RAB9A: variants seen among roughly 807,000 people sequenced by gnomAD.
The protein encoded by RAB9A is ras-related protein Rab-9A.
A neutral mutation model predicts 10.3 loss-of-function variants in RAB9A; 1 was observed. The ratio of observed to expected loss-of-function variants is 0.10; its 90% CI spans 0.03 to 0.46. The LOEUF (loss-of-function observed/expected upper bound fraction) is 0.46. Ranked by LOEUF, RAB9A falls within the 20% of genes least tolerant of loss-of-function variation. The pLI is 0.96. For missense variants in RAB9A, 92 were observed against 150.3 expected (o/e 0.61, Z 2.03); for synonymous variants, 39 against 55.2 (o/e 0.71, Z 1.30).
intron 1 of RAB9A, among the ~76,000 whole-genome samples, chrX:13,695,837 G>A (rs2046145318): frequency 9.0e-6 from 1 of 111,515 alleles, no homozygotes; most frequent in East Asian, 2.8e-4. Flanking sequence ...TCGTGAAATA[G>A]CTTCATGAAG....
At chrX:13,704,232 T>G (rs2046187421) in intron 2 of RAB9A, among the ~76,000 whole-genome samples, 1 of 112,171 alleles carries the variant, frequency 8.9e-6, no homozygotes, top group Admixed American at 9.5e-5. Flanking sequence ...TTTTGAAGAA[T>G]GAATGAAATA....
chrX:13,690,525 C>G (rs2046116041), intron 1 of RAB9A, among the ~76,000 whole-genome samples: 1 of 111,693 alleles, frequency 9.0e-6, no homozygotes, highest in African/African-American at 3.3e-5. Context: ...ACATCATTGG[C>G]TTTGACTCCA....
intron 1 of RAB9A, among the ~76,000 whole-genome samples, chrX:13,689,635 T>C (rs995114587): frequency 2.7e-4 from 30 of 111,200 alleles, no homozygotes; most frequent in East Asian, 1.7e-3. Context: ...CCCCAACCAC[T>C]CCGGGACACA....
At chrX:13,689,777 C>G (rs1317539832) in intron 1 of RAB9A, among the ~76,000 whole-genome samples, 1 of 111,929 alleles carries the variant, frequency 8.9e-6, no homozygotes, top group Non-Finnish European at 1.9e-5. Context: ...TGTCTTACGA[C>G]CACTCGGGTG....
At chrX:13,705,898 G>A (rs192913470) in intron 2 of RAB9A, among the ~76,000 whole-genome samples, 1 of 111,082 alleles carries the variant, frequency 9.0e-6, no homozygotes, top group East Asian at 2.8e-4. Context: ...GGGGTGTGCT[G>A]AGTGAGTGGA....
intron 1 of RAB9A, among the ~76,000 whole-genome samples, chrX:13,698,344 T>C (rs186982758): frequency 2.4e-4 from 26 of 110,129 alleles, no homozygotes; most frequent in African/African-American, 7.3e-4. Context: ...TGATTCAGCT[T>C]CAAAAAAAGT....
chrX:13,692,516 C>T lies in RAB9A; in HGVS notation c.-116+3228C>T, dbSNP rs775188654. On this transcript the variant is annotated intron_variant, in intron 1 of 2. Transcript: ENST00000464506. ...GAGCATAAAATTCATCCTTAAATTT[C>T]ACCTCACCAGACAAATAGTTATGCC... Among the ~76,000 whole-genome samples the T allele has an allele frequency of 8.0e-5, 9 of 111,822 alleles. No homozygotes were observed. The South Asian group carries it at 1.9e-3, about 23-fold the overall frequency.
chrX:13,701,186 C>G (rs985436503), intron 1 of RAB9A, among the ~76,000 whole-genome samples: 1 of 108,990 alleles, frequency 9.2e-6, no homozygotes, highest in Admixed American at 9.8e-5. Flanking sequence ...CCAAAAAAAC[C>G]CCATACCCAT....
At chrX:13,708,362 C>T (rs189663289) in intron 2 of RAB9A, among the ~76,000 whole-genome samples, 1 of 108,490 alleles carries the variant, frequency 9.2e-6, no homozygotes, top group East Asian at 2.9e-4. Context: ...CAACAACATG[C>T]GAACTTTGGT....
At position 13,709,138 on chromosome X, in the gene RAB9A, G is replaced by A. The variant is rs1480206362; in HGVS notation, c.392G>A (p.Arg131Gln). The change falls in exon 3 of 3, where the codon CGG (arginine) becomes CAG (glutamine). Residue 131 changes from arginine (R) to glutamine (Q), a missense_variant. Coordinates refer to ENST00000464506, the MANE Select transcript of RAB9A (RefSeq NM_004251.5). ...ILGNKIDISE[R>Q]QVSTEEAQAW... Reference sequence around the variant, plus strand: ...GGTAACAAGATTGACATAAGCGAACGGCAGGTGTCTACAGAAGAAGCCCAA... The same window carrying A: ...GGTAACAAGATTGACATAAGCGAACAGCAGGTGTCTACAGAAGAAGCCCAA... The A allele has an allele frequency of 5.8e-6, 7 of 1,209,895 alleles. No homozygotes were observed. Among genetic ancestry groups the A allele is most frequent in the African/African-American group, 5.2e-5 (3 of 57,170 alleles).
At chrX:13,690,391 T>C in intron 1 of RAB9A, among the ~76,000 whole-genome samples, 1 of 112,327 alleles carries the variant, frequency 8.9e-6, no homozygotes, top group South Asian at 3.6e-4. Flanking sequence ...AGTATTTTTG[T>C]GTCTGCTGTG....
intron 1 of RAB9A, among the ~76,000 whole-genome samples, chrX:13,693,168 C>T (rs1306645525): frequency 1.8e-5 from 1 of 54,194 alleles, no homozygotes; most frequent in Non-Finnish European, 3.4e-5. Flanking sequence ...TAGTTCTGCC[C>T]AGGCAATGTG....
At chrX:13,693,967 A>T (rs779451662) in intron 1 of RAB9A, among the ~76,000 whole-genome samples, 1 of 112,058 alleles carries the variant, frequency 8.9e-6, no homozygotes, top group South Asian at 3.7e-4. Flanking sequence ...GAAACACTAT[A>T]GAACAACTGG....
At chrX:13,702,311 C>G (rs922643823) in intron 1 of RAB9A, among the ~76,000 whole-genome samples, 1 of 111,231 alleles carries the variant, frequency 9.0e-6, no homozygotes, top group African/African-American at 3.3e-5. Context: ...GTGGTCAAAC[C>G]TACTTCCCCT....
chrX:13,709,250 G>T lies in RAB9A; in HGVS notation c.504G>T (p.Ala168=). 1.7e-6 allele frequency: 2 copies of T among 1,211,451 alleles called. No homozygotes were observed. The highest frequency in any genetic ancestry group is 1.1e-6 in the Non-Finnish European group (1 of 895,445). The part of the protein sequence containing the change: ...ATNVAAAFEE[A]VRRVLATEDR... ...ATGTGGCAGCAGCCTTTGAGGAAGC[G>T]GTTCGAAGAGTTCTTGCTACCGAGG... The change falls in exon 3 of 3, where the codon GCG becomes GCT. Residue 168 remains alanine (A), a synonymous_variant. Transcript: ENST00000464506.
intron 1 of RAB9A, among the ~76,000 whole-genome samples, chrX:13,695,112 G>A (rs2046141959): frequency 8.9e-6 from 1 of 112,301 alleles, no homozygotes; most frequent in South Asian, 3.7e-4. Flanking sequence ...GAGAAGTCTC[G>A]AGAAGTGCCC....
chrX:13,690,342 C>T (rs1048296776), intron 1 of RAB9A, among the ~76,000 whole-genome samples: 2 of 112,191 alleles, frequency 1.8e-5, no homozygotes, highest in Non-Finnish European at 3.8e-5. Flanking sequence ...TATTTGGATT[C>T]CTAAATCTAA....
At chrX:13,693,292 AG>A (rs2046134193) in intron 1 of RAB9A, among the ~76,000 whole-genome samples, 1 of 112,548 alleles carries the variant, frequency 8.9e-6, no homozygotes, top group South Asian at 3.6e-4. Flanking sequence ...CAAGCATAAG[AG>A]AATAGGATTT....
In RAB9A at chrX:13,696,205, C is replaced by G. The variant is rs139683517; in HGVS notation, c.-116+6917C>G. ...GGAGGCTTGCTTGAGCCCAGGAGTT[C>G]AAGACCAGCCTGGGCAAGATGGTGA... On this transcript the variant is annotated intron_variant, in intron 1 of 2. Transcript: ENST00000464506. Among the ~76,000 whole-genome samples the G allele has an allele frequency of 8.5e-4, 78 of 92,044 alleles. No individual in the cohort carries two copies. The East Asian group carries it at 0.02, about 24-fold the overall frequency. 79.9% of individuals were successfully genotyped at this position (92,044 alleles called of 115,157 possible). A position where few individuals can be genotyped will look rare whatever the true frequency, so the allele number is the denominator to read the frequency against.
Sources: gnomAD v4.1 joint callset for allele counts (sites outside exome capture counted in the v4.1 genomes callset) on GRCh38, gnomAD v4.1.1 for gene constraint, MANE v1.5 for transcripts, NCBI Gene and HGNC (gene_info 2026-07-23, HGNC 2026-07-21) for gene names.